The following SP110 variants were observed in gnomAD, a reference collection of about 807,000 sequenced individuals.
The protein encoded by SP110 is SP110 nuclear body protein.
Under a neutral mutation model 92.7 loss-of-function variants are expected in SP110, and 62 were observed. That is an observed-to-expected ratio of 0.67 (90% CI 0.55 to 0.83). The LOEUF is 0.83. SP110 is among the 40% of genes least tolerant of loss of function. The pLI, the probability that SP110 is intolerant of heterozygous loss-of-function variation, is 0.00. For missense variants in SP110, 793 were observed against 863.9 expected (o/e 0.92, Z 1.03); for synonymous variants, 273 against 305.3 (o/e 0.89, Z 1.10).
chr2:230,183,091 A>G (rs969964975), intron 12 of SP110, among the ~76,000 whole-genome samples: 3 of 152,202 alleles, frequency 2.0e-5, no homozygotes, highest in Non-Finnish European at 4.4e-5. Context: ...AGCAAGGTAT[A>G]AAAGCAGAAG....
At chr2:230,185,124 C>T (rs2042297154) in intron 11 of SP110, among the ~76,000 whole-genome samples, 1 of 152,178 alleles carries the variant, frequency 6.6e-6, no homozygotes, top group Non-Finnish European at 1.5e-5. Context: ...GAGGCTCAGC[C>T]CTACATCACT....
At chr2:230,206,595 T>TTTTATATATATATATATA (rs1317441117) in intron 8 of SP110, among the ~76,000 whole-genome samples, 1 of 70,530 alleles carries the variant, frequency 1.4e-5, no homozygotes, top group Non-Finnish European at 2.8e-5. Flanking sequence ...GGTCCAGATT[T>TTTTATATATATATATATA]TATATATATA....
At chr2:230,170,255 CTTAT>C (rs1320520904) in intron 18 of SP110, among the ~76,000 whole-genome samples, 3 of 50,162 alleles carry the variant, frequency 6.0e-5, no homozygotes, top group Non-Finnish European at 1.3e-4. Flanking sequence ...ATGTTGTTTA[CTTAT>C]TTATTTTCAT....
upstream of SP110, among the ~76,000 whole-genome samples, chr2:230,224,687 A>G (rs938570588): frequency 3.3e-5 from 5 of 152,168 alleles, no homozygotes; most frequent in Admixed American, 3.3e-4. Context: ...TATGTATGCA[A>G]ATTTCCTTGC....
At position 230,181,068 on chromosome 2, in the gene SP110, T is replaced by G. The variant is rs578084276; in HGVS notation, c.1348+2504A>C. 9.8e-5 allele frequency among the ~76,000 whole-genome samples: 15 copies of G among 152,368 alleles called. No individual in the cohort carries two copies. The South Asian group carries it at 3.1e-3, about 32-fold the overall frequency. On this transcript the variant is annotated intron_variant, in intron 12 of 18. Transcript: ENST00000258381. ...ACATTTATATGGTTATCAGGACCAC[T>G]GCATGAAGTTGTATGGGTTGTGCCC...
intron 10 of SP110, among the ~76,000 whole-genome samples, chr2:230,198,505 C>T (rs2042980942): frequency 1.3e-5 from 2 of 152,176 alleles, no homozygotes; most frequent in South Asian, 4.1e-4. Context: ...GATTCTGAGC[C>T]CCTTATTCTT....
chr2:230,213,089 G>A, intron 3 of SP110, 62 bp from the exon 4 acceptor site: 1 of 1,548,578 alleles, frequency 6.5e-7, no homozygotes, highest in Non-Finnish European at 8.9e-7. Flanking sequence ...TGGGGAAGGG[G>A]ATTTCTTAAT....
At chr2:230,224,870 C>G (rs1312177253), upstream of SP110, among the ~76,000 whole-genome samples, 1 of 152,190 alleles carries the variant, frequency 6.6e-6, no homozygotes, top group African/African-American at 2.4e-5. Flanking sequence ...GCCTGGATTT[C>G]TAGTCCTGTG....
rs780091482 is a variant in SP110, at chr2:230,167,739, T to C, written c.*1385A>G. The C allele has an allele frequency of 6.6e-6, 1 of 152,170 alleles. No individual in the cohort carries two copies. The highest frequency in any genetic ancestry group is 1.5e-5 in the Non-Finnish European group (1 of 68,042). 9.4% of individuals were successfully genotyped at this position (152,170 alleles called of 1,614,324 possible). On this transcript the variant is annotated 3_prime_UTR_variant, in exon 19 of 19. Coordinates refer to ENST00000258381, the MANE Select transcript of SP110 (RefSeq NM_080424.4). ...TGGCAGAAGTGACAGTGTGCAAGTA[T>C]GAATGGGGTCTGCCAGTACCATGTG... is the stretch of plus-strand genomic sequence containing the variant.
intron 18 of SP110, 56 bp from the exon 19 acceptor site, chr2:230,169,293 A>G (rs1160720351): frequency 7.0e-6 from 7 of 1,000,616 alleles, no homozygotes; most frequent in Non-Finnish European, 1.1e-5. Context: ...ACAGCCATCA[A>G]ATCACTCATA....
chr2:230,209,250 A>C (rs2044206659), intron 7 of SP110, among the ~76,000 whole-genome samples: 1 of 152,050 alleles, frequency 6.6e-6, no homozygotes, highest in African/African-American at 2.4e-5. Flanking sequence ...GGAGGCCAAG[A>C]ATTGGTGGAG....
At chr2:230,225,583 T>A in exon 1 of SP110, 1 of 548,988 alleles carries the variant, frequency 1.8e-6, no homozygotes, top group South Asian at 2.0e-5. Context: ...TCCACCCTCT[T>A]TCCTTGGCAG....
rs188708761 is a variant in SP110 at position 230,194,208 on chromosome 2, T to G, written c.1129+6677A>C. On this transcript the variant is annotated intron_variant, in intron 10 of 18. Transcript: ENST00000258381. ...TTCATGTTTGGGAGCTGGGACAAGA[T>G]CTCTTCCCAGGCTGGCTCCCATAAA... Among the ~76,000 whole-genome samples the G allele has an allele frequency of 2.5e-3, 384 of 152,182 alleles. 1 individual carries two copies. Among genetic ancestry groups the G allele is most frequent in the African/African-American group, 8.5e-3 (355 of 41,524 alleles).
Position 230,169,143 on chromosome 2 carries a change from C to T in SP110, c.2123G>A (p.Gly708Asp), listed in dbSNP as rs756610720. The T allele has an allele frequency of 1.2e-6, 2 of 1,612,456 alleles. No individual in the cohort carries two copies. Among genetic ancestry groups the T allele is most frequent in the South Asian group, 2.2e-5 (2 of 91,046 alleles). Residue 708 changes from glycine to aspartate, a missense_variant, in exon 19 of 19, where the codon GGT becomes GAT. Physicochemically the swap from Gly to Asp is moderately conservative, Grantham distance 94. Transcript: ENST00000258381. ...ACAGGGTCAAGGAAGAGTCCAGAAA[C>T]CGCCGTCATTGGCTTCATGAAAACC... ...VLGFHEANDG[G>D]FWTLP
At chr2:230,210,145 C>A (rs1006171496) in intron 6 of SP110, 137 bp from the exon 7 acceptor site, 18 of 741,968 alleles carry the variant, frequency 2.4e-5, no homozygotes, top group East Asian at 7.4e-5. Flanking sequence ...TAAGAATTCC[C>A]TGGCTCTGTC....
chr2:230,177,739 C>T, intron 13 of SP110, 59 bp from the exon 14 acceptor site: 1 of 1,573,084 alleles, frequency 6.4e-7, no homozygotes, highest in Non-Finnish European at 8.7e-7. Flanking sequence ...CACCCTGAAC[C>T]TCTTCATCCT....
chr2:230,172,227 C>A, intron 15 of SP110, 53 bp from the exon 16 acceptor site: 1 of 1,128,416 alleles, frequency 8.9e-7, no homozygotes, highest in Non-Finnish European at 1.4e-6. Flanking sequence ...GAAATGGCCA[C>A]CATTCCTGTG....
At chr2:230,197,737 G>C (rs927826294) in intron 10 of SP110, among the ~76,000 whole-genome samples, 1 of 151,722 alleles carries the variant, frequency 6.6e-6, no homozygotes, top group Admixed American at 6.6e-5. Context: ...GTAAGGAAGG[G>C]ATCCAGTTTC....
chr2:230,197,568 T>C (rs1307845211), intron 10 of SP110, among the ~76,000 whole-genome samples: 2 of 149,018 alleles, frequency 1.3e-5, no homozygotes, highest in Non-Finnish European at 3.0e-5. Context: ...TTTGTCAATT[T>C]TGTCTTTTGT....
Sources: allele counts gnomAD v4.1 joint callset (sites outside exome capture counted in the v4.1 genomes callset), GRCh38; gene constraint gnomAD v4.1.1; transcripts MANE v1.5; gene names NCBI Gene and HGNC (gene_info 2026-07-23, HGNC 2026-07-21).